The following SMIM14 variants were observed in gnomAD, a reference collection of about 807,000 sequenced individuals.
SMIM14 encodes the protein small integral membrane protein 14.
SMIM14 carries 5 observed loss-of-function variants against 12.6 expected under a neutral mutation model. The observed-to-expected ratio is 0.40, with a 90% CI of 0.21 to 0.83. SMIM14 has a LOEUF of 0.83. SMIM14 is among the 40% of genes least tolerant of loss of function. SMIM14 has a pLI of 0.37. For synonymous variants in SMIM14, 30 were observed against 40.1 expected (o/e 0.75, Z 0.95); for missense variants, 86 against 119.1 (o/e 0.72, Z 1.29).
At chr4:39,598,507 T>C (rs1013186303) in intron 2 of SMIM14, among the ~76,000 whole-genome samples, 3 of 152,182 alleles carry the variant, frequency 2.0e-5, no homozygotes, top group Non-Finnish European at 4.4e-5. Flanking sequence ...TGTACCAGTA[T>C]AGAGTATGAA....
chr4:39,599,936 A>C (rs55700270), intron 2 of SMIM14, among the ~76,000 whole-genome samples: 117 of 109,156 alleles, frequency 1.1e-3, no homozygotes, highest in Admixed American at 4.4e-3. Context: ...ACAACAACAA[A>C]AAAAAAAAAA....
chr4:39,557,827 G>T (rs1256462777), intron 3 of SMIM14, among the ~76,000 whole-genome samples: 6 of 152,166 alleles, frequency 3.9e-5, no homozygotes, highest in African/African-American at 1.4e-4. Flanking sequence ...TCATGAAAAA[G>T]AAAGGGGACA....
chr4:39,571,379 A>T lies in SMIM14; in HGVS notation c.124+1036T>A, dbSNP rs138267766. On this transcript the variant is annotated intron_variant, in intron 3 of 4. Transcript: ENST00000295958. ...GATCACTTGATCCCAGGAGTTTAAG[A>T]CCCATGTGGGCAACATGGGAAGACC... Among the ~76,000 whole-genome samples the T allele has an allele frequency of 5.6e-4, 85 of 152,026 alleles. 1 individual carries two copies. The highest frequency in any genetic ancestry group is 2.0e-3 in the African/African-American group (83 of 41,478).
chr4:39,580,543 A>C (rs1298006314), intron 2 of SMIM14, among the ~76,000 whole-genome samples: 3 of 149,568 alleles, frequency 2.0e-5, no homozygotes, highest in Admixed American at 6.7e-5. Context: ...TTTTTTTTAG[A>C]TGGAGTCTCA....
Position 39,567,216 on chromosome 4 carries a change from TGGAGAAG to T in SMIM14, c.124+5192_124+5198del, listed in dbSNP as rs1712624321. Among the ~76,000 whole-genome samples the T allele has an allele frequency of 3.4e-5, 5 of 145,256 alleles. No individual in the cohort carries two copies. The South Asian group carries it at 1.1e-3, about 31-fold the overall frequency. On this transcript the variant is annotated intron_variant, in intron 3 of 4. Coordinates refer to ENST00000295958, the MANE Select transcript of SMIM14 (RefSeq NM_174921.3). Reference sequence around the variant, plus strand: ...GGAAAAAAATGTGACATGGGAAATATGGAGAAGATTTAGTTATTAAAGGCTGAAACTA... The same window carrying T: ...GGAAAAAAATGTGACATGGGAAATATATTTAGTTATTAAAGGCTGAAACTA...
At chr4:39,590,475 T>C (rs1287391637) in intron 2 of SMIM14, among the ~76,000 whole-genome samples, 3 of 151,162 alleles carry the variant, frequency 2.0e-5, no homozygotes, top group Non-Finnish European at 4.4e-5. Flanking sequence ...TTTCTATACA[T>C]ATACTAGTAT....
intron 4 of SMIM14, among the ~76,000 whole-genome samples, chr4:39,553,365 C>T (rs1455632321): frequency 1.3e-5 from 2 of 151,214 alleles, no homozygotes; most frequent in Non-Finnish European, 3.0e-5. Context: ...GCCCAGCCCA[C>T]TGTAATGATT....
At chr4:39,607,256 G>A (rs1337972717) in intron 1 of SMIM14, among the ~76,000 whole-genome samples, 4 of 152,168 alleles carry the variant, frequency 2.6e-5, no homozygotes, top group Non-Finnish European at 5.9e-5. Context: ...ATATTTAAAT[G>A]TGCATAGTTT....
chr4:39,610,695 T>C (rs1229219204), intron 1 of SMIM14, among the ~76,000 whole-genome samples: 2 of 148,460 alleles, frequency 1.3e-5, no homozygotes, highest in East Asian at 3.9e-4. Flanking sequence ...ACCTGGTCTC[T>C]TAAAAAAAAA....
intron 3 of SMIM14, among the ~76,000 whole-genome samples, chr4:39,560,722 A>T (rs1364415372): frequency 6.6e-6 from 1 of 152,044 alleles, no homozygotes; most frequent in Admixed American, 6.6e-5. Context: ...AACAAAAATC[A>T]TGAGCATCTC....
intron 3 of SMIM14, among the ~76,000 whole-genome samples, chr4:39,571,959 A>G (rs1712913108): frequency 6.6e-6 from 1 of 151,898 alleles, no homozygotes; most frequent in Non-Finnish European, 1.5e-5. Flanking sequence ...ATGCACCACC[A>G]TGCCCCACTA....
intron 1 of SMIM14, among the ~76,000 whole-genome samples, chr4:39,634,072 G>A (rs1028221728): frequency 6.6e-6 from 1 of 152,178 alleles, no homozygotes; most frequent in African/African-American, 2.4e-5. Flanking sequence ...GGGATTACAG[G>A]CGCGCATGAC....
rs757612234 is a variant in SMIM14, at chr4:39,556,541, T to C, written c.154A>G (p.Ser52Gly). 8.7e-6 allele frequency: 14 copies of C among 1,610,584 alleles called. No individual in the cohort carries two copies. Among genetic ancestry groups the C allele is most frequent in the Non-Finnish European group, 1.1e-5 (13 of 1,179,030 alleles). The change falls in exon 4 of 5, where the codon AGT (serine) becomes GGT (glycine). Residue 52 changes from serine (S) to glycine (G), a missense_variant. Coordinates refer to ENST00000295958, the MANE Select transcript of SMIM14 (RefSeq NM_174921.3). ...LPGPSGDNGI[S>G]VTMILVAWMV... ...CAGGCTACCAAGATCATTGTAACAC[T>C]GATGCCATTATCACCAGAGGGTCCC...
intron 2 of SMIM14, among the ~76,000 whole-genome samples, chr4:39,584,819 G>GA (rs1218833939): frequency 2.2e-5 from 3 of 138,988 alleles, no homozygotes; most frequent in Admixed American, 7.2e-5. Flanking sequence ...AAAGAAAAAA[G>GA]AAAAAAAAAT....
At chr4:39,619,506 ATATCAATAAATATAATTTATTC>A (rs1432922336) in intron 1 of SMIM14, among the ~76,000 whole-genome samples, 4 of 89,864 alleles carry the variant, frequency 4.5e-5, no homozygotes, top group African/African-American at 1.4e-4. Flanking sequence ...AATTTATTCT[ATATCAATAAATATAATTTATTC>A]TATATCAATA....
chr4:39,595,788 T>G (rs1250885652), intron 2 of SMIM14, among the ~76,000 whole-genome samples: 1 of 151,670 alleles, frequency 6.6e-6, no homozygotes, highest in East Asian at 2.0e-4. Context: ...TTTTTTATTT[T>G]CGGTAGAGAA....
chr4:39,628,368 T>C (rs1715778988), intron 1 of SMIM14, among the ~76,000 whole-genome samples: 1 of 150,532 alleles, frequency 6.6e-6, no homozygotes, highest in African/African-American at 2.4e-5. Context: ...TTCTAAATTT[T>C]AACATTTTAA....
intron 3 of SMIM14, among the ~76,000 whole-genome samples, chr4:39,563,060 C>CT (rs1203253069): frequency 6.6e-6 from 1 of 151,566 alleles, no homozygotes; most frequent in Admixed American, 6.6e-5. Flanking sequence ...CATACCTCTT[C>CT]TTTTTTTTAT....
intron 1 of SMIM14, among the ~76,000 whole-genome samples, chr4:39,632,214 G>C (rs1715925029): frequency 6.6e-6 from 1 of 152,096 alleles, no homozygotes; most frequent in Non-Finnish European, 1.5e-5. Context: ...ACGTCAGCTG[G>C]GCACGGTGAC....
Sources: allele counts gnomAD v4.1 joint callset (sites outside exome capture counted in the v4.1 genomes callset), GRCh38; gene constraint gnomAD v4.1.1; transcripts MANE v1.5; gene names NCBI Gene and HGNC (gene_info 2026-07-23, HGNC 2026-07-21).